The following C14orf39 variants were observed in gnomAD, a reference collection of about 807,000 sequenced individuals.
C14orf39 encodes the protein chromosome 14 open reading frame 39.
In C14orf39, 66 loss-of-function variants were observed where a neutral mutation model predicts 85.6. The observed-to-expected ratio is 0.77, with a 90% CI of 0.63 to 0.95. The LOEUF (loss-of-function observed/expected upper bound fraction) is 0.95. Among genes scored for constraint, C14orf39 ranks in the 40% least tolerant of loss-of-function variants. The probability of loss-of-function intolerance (pLI) is 0.00; values close to 1 mark genes in which losing one functional copy is unlikely to be tolerated. For synonymous variants in C14orf39, 242 were observed against 214.0 expected (o/e 1.13, Z -1.14); for missense variants, 735 against 663.9 (o/e 1.11, Z -1.18).
In C14orf39 at chr14:60,436,815, G is replaced by C. The variant is rs1890269720; in HGVS notation, c.*30C>G. The C allele has an allele frequency of 6.8e-7, 1 of 1,479,754 alleles. No individual in the cohort carries two copies. The highest frequency in any genetic ancestry group is 9.4e-7 in the Non-Finnish European group (1 of 1,069,020). 91.7% of individuals were successfully genotyped at this position (1,479,754 alleles called of 1,614,324 possible). On this transcript the variant is annotated 3_prime_UTR_variant, in exon 18 of 18. Transcript: ENST00000321731. ...TTTATGCCCTCATGAACACAGAACA[G>C]TAAAATAATTTAAGGAATTAATGAC...
intron 1 of C14orf39, chr14:60,508,978 G>T (rs965168666): frequency 4.6e-6 from 1 of 219,436 alleles, no homozygotes. Flanking sequence ...TCAACCTCCA[G>T]GTTCTGCAAA....
rs1438487825 is a variant in C14orf39 at position 60,466,956 on chromosome 14, T to G, written c.856A>C (p.Arg286=). 2.0e-6 allele frequency: 3 copies of G among 1,473,660 alleles called. No homozygotes were observed. In the East Asian group the frequency reaches 7.8e-5, roughly 38 times the overall value. 91.3% of individuals were successfully genotyped at this position (1,473,660 alleles called of 1,614,324 possible). A position where few individuals can be genotyped will look rare whatever the true frequency, so the allele number is the denominator to read the frequency against. ...FLPYESQKLV[R]PIKMHSSEPR... The stretch of plus-strand genomic sequence containing the variant: ...TCTGAAGAATGCATCTTTATTGGTC[T>G]TACTAATTTCTGAGATTCATAAGGA... The change falls in exon 10 of 18, where the codon AGA becomes CGA. Residue 286 remains arginine, a synonymous_variant. Coordinates refer to ENST00000321731, the MANE Select transcript of C14orf39 (RefSeq NM_174978.3).
At chr14:60,462,295 G>A (rs1425886019) in intron 11 of C14orf39, among the ~76,000 whole-genome samples, 1 of 152,040 alleles carries the variant, frequency 6.6e-6, no homozygotes, top group African/African-American at 2.4e-5. Context: ...GGGTTGAGGT[G>A]GGATGATCCA....
intron 16 of C14orf39, among the ~76,000 whole-genome samples, chr14:60,442,531 C>G (rs1453797023): frequency 6.6e-6 from 1 of 152,060 alleles, no homozygotes; most frequent in African/African-American, 2.4e-5. Context: ...ATCAGTAAAA[C>G]AGGCTTTTAA....
At chr14:60,457,439 A>T (rs1312178436) in intron 14 of C14orf39, among the ~76,000 whole-genome samples, 1 of 152,004 alleles carries the variant, frequency 6.6e-6, no homozygotes, top group African/African-American at 2.4e-5. Flanking sequence ...GAACAATTAC[A>T]TAGGCTATCT....
intron 15 of C14orf39, 59 bp downstream of exon 15, chr14:60,456,858 G>T: frequency 7.2e-7 from 1 of 1,386,572 alleles, no homozygotes; most frequent in Non-Finnish European, 9.7e-7. Flanking sequence ...ATTCCTATCA[G>T]TTATTTATGT....
intron 16 of C14orf39, among the ~76,000 whole-genome samples, chr14:60,454,489 T>G (rs1891176317): frequency 6.6e-6 from 1 of 152,022 alleles, no homozygotes. Context: ...CACTACACTG[T>G]AATGTTTCTA....
Position 60,436,857 on chromosome 14 carries a change from A to C in C14orf39, c.1752T>G (p.Phe584Leu), listed in dbSNP as rs370463264. Residue 584 changes from phenylalanine to leucine, a missense_variant, in exon 18 of 18, where the codon TTT becomes TTG. Coordinates refer to ENST00000321731, the MANE Select transcript of C14orf39 (RefSeq NM_174978.3). Reference sequence around the variant, plus strand: ...ATTAATGACTAGCTCAAAAAAAAGTAAACTGTGTTGTATTTTGTGAGGAAG... The same window carrying C: ...ATTAATGACTAGCTCAAAAAAAAGTCAACTGTGTTGTATTTTGTGAGGAAG... ...FSSSSQNTTQ[F>L]TFF 1.6e-5 allele frequency: 25 copies of C among 1,605,196 alleles called. No individual in the cohort carries two copies. In the African/African-American group the frequency reaches 2.7e-4, roughly 17 times the overall value.
chr14:60,481,274 C>CTT (rs1447556379), intron 4 of C14orf39, among the ~76,000 whole-genome samples: 1 of 152,060 alleles, frequency 6.6e-6, no homozygotes, highest in African/African-American at 2.4e-5. Flanking sequence ...AAAAAAAAGA[C>CTT]TGACATAAAC....
intron 2 of C14orf39, among the ~76,000 whole-genome samples, chr14:60,492,251 G>A (rs1893000767): frequency 6.6e-6 from 1 of 152,174 alleles, no homozygotes; most frequent in South Asian, 2.1e-4. Flanking sequence ...CCACCCTAAA[G>A]TTATGGCCTT....
At chr14:60,455,283 C>G in intron 15 of C14orf39, 138 bp from the exon 16 acceptor site, 1 of 569,170 alleles carries the variant, frequency 1.8e-6, no homozygotes, top group African/African-American at 2.0e-5. Flanking sequence ...AGTGACAATC[C>G]TATCGAGAAA....
chr14:60,487,094 C>G (rs1034135019), upstream of C14orf39, among the ~76,000 whole-genome samples: 1 of 152,136 alleles, frequency 6.6e-6, no homozygotes, highest in East Asian at 1.9e-4. Flanking sequence ...ACATCCATCA[C>G]CTCATATAAT....
chr14:60,514,787 G>A lies in C14orf39; in HGVS notation c.-144+608C>T, dbSNP rs377638103. Among the ~76,000 whole-genome samples the A allele has an allele frequency of 2.7e-4, 41 of 152,356 alleles. 1 individual carries two copies. The South Asian group carries it at 4.8e-3, about 18-fold the overall frequency. ...AAAGAGAATGTGAATGGGGCGGGAG[G>A]AGAGGAGAAGCAGCTTTTCGCTCTA... On this transcript the variant is annotated intron_variant, in intron 1 of 5. Coordinates refer to the C14orf39 transcript ENST00000556799.
intron 1 of C14orf39, among the ~76,000 whole-genome samples, chr14:60,500,069 C>T (rs1366054579): frequency 6.6e-6 from 1 of 151,882 alleles, no homozygotes; most frequent in East Asian, 1.9e-4. Flanking sequence ...CTCTTGTTGC[C>T]CAGGCTGCAG....
intron 16 of C14orf39, among the ~76,000 whole-genome samples, chr14:60,447,670 C>G (rs897917311): frequency 7.2e-5 from 11 of 152,168 alleles, no homozygotes; most frequent in Non-Finnish European, 1.6e-4. Context: ...CAAAGACTTT[C>G]TTCATAGAAT....
At chr14:60,457,731 C>G (rs1891343483) in intron 14 of C14orf39, among the ~76,000 whole-genome samples, 1 of 151,884 alleles carries the variant, frequency 6.6e-6, no homozygotes, top group Non-Finnish European at 1.5e-5. Flanking sequence ...ATACTACTTG[C>G]TGTTTCTCTT....
intron 16 of C14orf39, among the ~76,000 whole-genome samples, chr14:60,453,287 CTTTT>C (rs201931418): frequency 6.6e-5 from 10 of 151,924 alleles, no homozygotes; most frequent in Non-Finnish European, 1.5e-4. Flanking sequence ...TATGAATTGA[CTTTT>C]TTATCTTTAT....
At chr14:60,510,645 C>G (rs976509271) in intron 1 of C14orf39, among the ~76,000 whole-genome samples, 3 of 152,192 alleles carry the variant, frequency 2.0e-5, no homozygotes, top group African/African-American at 7.2e-5. Flanking sequence ...CGGGCCGACC[C>G]GATCCAACGC....
chr14:60,469,560 C>A lies in C14orf39; in HGVS notation c.648G>T (p.Met216Ile). 1.3e-6 allele frequency: 2 copies of A among 1,485,832 alleles called. No individual in the cohort carries two copies. The highest frequency in any genetic ancestry group is 9.1e-7 in the Non-Finnish European group (1 of 1,103,210). The allele number at this position is 1,485,832 out of a possible 1,614,324, so 92.0% of individuals were successfully genotyped here. A position where few individuals can be genotyped will look rare whatever the true frequency, so the allele number is the denominator to read the frequency against. Residue 216 changes from methionine to isoleucine, a missense_variant, in exon 8 of 18, where the codon ATG becomes ATT. Met to Ile is a conservative substitution (Grantham distance 10). Transcript: ENST00000321731. ...GGTTTAAATAATTAATTTCTATTTC[C>A]ATTTCATCTACTTCTTTCTTCAATT... ...SSELKKEVDE[M>I]EIEINYLNQQ...
Sources: allele counts gnomAD v4.1 joint callset (sites outside exome capture counted in the v4.1 genomes callset), GRCh38; gene constraint gnomAD v4.1.1; transcripts MANE v1.5; gene names NCBI Gene and HGNC (gene_info 2026-07-23, HGNC 2026-07-21).